Variants in COG5 observed in about 807,000 individuals in gnomAD.
COG5 encodes the protein conserved oligomeric Golgi complex subunit 5.
A neutral mutation model predicts 110.4 loss-of-function variants in COG5; 86 were observed. The observed-to-expected ratio is 0.78, with a 90% CI of 0.65 to 0.93. The LOEUF is 0.93. COG5 is among the 40% of genes least tolerant of loss of function. The pLI, the probability that COG5 is intolerant of heterozygous loss-of-function variation, is 0.00. For missense variants in COG5, 1,077 were observed against 987.0 expected (o/e 1.09, Z -1.22); for synonymous variants, 360 against 334.6 (o/e 1.08, Z -0.83).
At chr7:107,478,714 C>T (rs1190717745) in intron 6 of COG5, among the ~76,000 whole-genome samples, 1 of 151,900 alleles carries the variant, frequency 6.6e-6, no homozygotes, top group Non-Finnish European at 1.5e-5. Context: ...CAGACATCCT[C>T]TGGTGGTCTT....
At chr7:107,369,489 C>T (rs572436173) in intron 8 of COG5, among the ~76,000 whole-genome samples, 4 of 150,430 alleles carry the variant, frequency 2.7e-5, no homozygotes, top group South Asian at 2.1e-4. Flanking sequence ...CAGGTTCAAG[C>T]GATTCTCCTG....
intron 1 of COG5, among the ~76,000 whole-genome samples, chr7:107,561,314 G>A (rs1803757150): frequency 6.6e-6 from 1 of 152,122 alleles, no homozygotes; most frequent in Non-Finnish European, 1.5e-5. Flanking sequence ...CCGATATAGT[G>A]AATCAAAGTT....
chr7:107,490,302 T>G (rs571656698), intron 6 of COG5, among the ~76,000 whole-genome samples: 1 of 152,276 alleles, frequency 6.6e-6, no homozygotes, highest in Non-Finnish European at 1.5e-5. Context: ...GTAGCTGGGA[T>G]TACAGGCACA....
chr7:107,403,865 T>A (rs577220559), intron 7 of COG5, among the ~76,000 whole-genome samples: 2 of 152,082 alleles, frequency 1.3e-5, no homozygotes, highest in Non-Finnish European at 2.9e-5. Flanking sequence ...AAAAATGAAG[T>A]GACAATTTAT....
chr7:107,242,924 T>G (rs1164039512), intron 17 of COG5, among the ~76,000 whole-genome samples: 4 of 152,084 alleles, frequency 2.6e-5, no homozygotes. Flanking sequence ...GCCTCCGATT[T>G]GGGGAAGGAA....
At chr7:107,274,582 T>C (rs1456098331) in intron 14 of COG5, among the ~76,000 whole-genome samples, 2 of 152,126 alleles carry the variant, frequency 1.3e-5, no homozygotes, top group South Asian at 2.1e-4. Context: ...AGTTTTAATA[T>C]GGTTAAGGCC....
intron 6 of COG5, among the ~76,000 whole-genome samples, chr7:107,456,277 T>C (rs1234797476): frequency 1.3e-5 from 2 of 152,210 alleles, no homozygotes; most frequent in East Asian, 1.9e-4. Flanking sequence ...TAGTTCATAA[T>C]TGCTAAAAGA....
chr7:107,300,773 T>C (rs931901128), intron 11 of COG5, among the ~76,000 whole-genome samples: 2 of 152,228 alleles, frequency 1.3e-5, no homozygotes, highest in East Asian at 3.9e-4. Context: ...TAATTTAAAA[T>C]CAATGCAGGA....
intron 6 of COG5, among the ~76,000 whole-genome samples, chr7:107,442,041 T>C (rs549873017): frequency 8.5e-5 from 13 of 152,284 alleles, no homozygotes; most frequent in African/African-American, 3.1e-4. Flanking sequence ...TCTGGTGATG[T>C]GGTTTGGCTC....
chr7:107,306,017 C>A (rs1441542139), intron 11 of COG5, among the ~76,000 whole-genome samples: 1 of 152,046 alleles, frequency 6.6e-6, no homozygotes, highest in Non-Finnish European at 1.5e-5. Context: ...CTTTCTGCCA[C>A]AATAAAATAT....
In COG5 at chr7:107,461,266, G is replaced by A. The variant is rs1795976675; in HGVS notation, c.539-48634C>T. On this transcript the variant is annotated intron_variant, in intron 6 of 21. Coordinates refer to ENST00000297135, the MANE Select transcript of COG5 (RefSeq NM_006348.5). ...ATCAAAATAGGTTTATGTCAAAAAT[G>A]CAAGGTTGGCTTAACATTAAAAAAA... 2.0e-5 allele frequency among the ~76,000 whole-genome samples: 3 copies of A among 151,974 alleles called. No homozygotes were observed. In the South Asian group the frequency reaches 6.2e-4, roughly 32 times the overall value.
intron 11 of COG5, among the ~76,000 whole-genome samples, chr7:107,312,687 T>G (rs922212135): frequency 6.6e-6 from 1 of 151,696 alleles, no homozygotes; most frequent in African/African-American, 2.4e-5. Flanking sequence ...AATTAATGAG[T>G]GCTGAGGAAA....
At position 107,208,033 on chromosome 7, in the gene COG5, GGAAA is replaced by G. The variant is rs972273643; in HGVS notation, c.2375+2489_2375+2492del. 9 of 985,220 alleles carry G rather than the reference GGAAA, an allele frequency of 9.1e-6. No individual in the cohort carries two copies. The African/African-American group carries it at 1.2e-4, about 13-fold the overall frequency. The allele number at this position is 985,220 out of a possible 1,614,324, so 61.0% of individuals were successfully genotyped here. ...TACTCACCCTCGGTTTGTCTACAGG[GGAAA>G]GAAATTCATCCAGTGATGCTTCAGT... is the stretch of plus-strand genomic sequence containing the variant. On this transcript the variant is annotated intron_variant, in intron 21 of 21. Coordinates refer to ENST00000297135, the MANE Select transcript of COG5 (RefSeq NM_006348.5).
chr7:107,249,582 C>A (rs763102008), intron 16 of COG5, among the ~76,000 whole-genome samples: 63 of 151,842 alleles, frequency 4.1e-4, no homozygotes, highest in Non-Finnish European at 8.2e-4. Flanking sequence ...TTGGCTCATA[C>A]AAATGATCAA....
At chr7:107,255,829 T>C (rs542594991) in intron 16 of COG5, among the ~76,000 whole-genome samples, 1 of 152,228 alleles carries the variant, frequency 6.6e-6, no homozygotes, top group South Asian at 2.1e-4. Flanking sequence ...CTTTATGGCC[T>C]TAGTTACTTA....
At chr7:107,489,969 T>C (rs1201059322) in intron 6 of COG5, among the ~76,000 whole-genome samples, 1 of 152,132 alleles carries the variant, frequency 6.6e-6, no homozygotes, top group Non-Finnish European at 1.5e-5. Flanking sequence ...TTCAGCATAA[T>C]ACCTGCCATA....
chr7:107,270,840 A>G (rs2116717023), intron 14 of COG5, among the ~76,000 whole-genome samples: 1 of 134,818 alleles, frequency 7.4e-6, no homozygotes, highest in Non-Finnish European at 1.6e-5. Context: ...CCATTTTTCT[A>G]TACTTGTGCT....
chr7:107,294,800 C>CCA (rs1377645003), intron 12 of COG5, among the ~76,000 whole-genome samples: 2 of 141,736 alleles, frequency 1.4e-5, no homozygotes, highest in African/African-American at 5.2e-5. Flanking sequence ...ACTGCAATCT[C>CCA]CACCTCCTGG....
At chr7:107,347,688 TAA>T (rs1483432393) in intron 10 of COG5, among the ~76,000 whole-genome samples, 1 of 152,238 alleles carries the variant, frequency 6.6e-6, no homozygotes, top group Non-Finnish European at 1.5e-5. Context: ...ATGTACTCTA[TAA>T]ATAGTACAAT....
Sources: allele counts gnomAD v4.1 joint callset (sites outside exome capture counted in the v4.1 genomes callset), GRCh38; gene constraint gnomAD v4.1.1; transcripts MANE v1.5; gene names NCBI Gene and HGNC (gene_info 2026-07-23, HGNC 2026-07-21).